Variants in GRIN2B observed in about 807,000 individuals in gnomAD.
GRIN2B encodes the protein glutamate receptor ionotropic, NMDA 2B.
A neutral mutation model predicts 114.5 loss-of-function variants in GRIN2B; 5 were observed. The ratio of observed to expected loss-of-function variants is 0.04; its 90% CI spans 0.02 to 0.09. The LOEUF (loss-of-function observed/expected upper bound fraction) is 0.09, where lower values mean the gene tolerates loss of function less well. Ranked by LOEUF, GRIN2B falls within the 10% of genes least tolerant of loss-of-function variation. The pLI, the probability that GRIN2B is intolerant of heterozygous loss-of-function variation, is 1.00. For missense variants in GRIN2B, 1,108 were observed against 1,943.5 expected (o/e 0.57, Z 8.08); for synonymous variants, 787 against 745.1 (o/e 1.06, Z -0.92).
At chr12:13,966,989 C>T (rs1349738060) in intron 2 of GRIN2B, among the ~76,000 whole-genome samples, 1 of 152,164 alleles carries the variant, frequency 6.6e-6, no homozygotes, top group Non-Finnish European at 1.5e-5. Flanking sequence ...CACCATGTTA[C>T]ACTGCAGAAA....
intron 2 of GRIN2B, among the ~76,000 whole-genome samples, chr12:13,889,061 TTTTC>T (rs1373009142): frequency 6.6e-6 from 1 of 152,232 alleles, no homozygotes; most frequent in Admixed American, 6.5e-5. Context: ...ATAGAAAATA[TTTTC>T]TTTCTGTATA....
At position 13,562,469 on chromosome 12, in the gene GRIN2B, G is replaced by A. The variant is rs1006566459; in HGVS notation, c.*314C>T. The A allele has an allele frequency of 5.5e-6, 2 of 366,580 alleles. No individual in the cohort carries two copies. Among genetic ancestry groups the A allele is most frequent in the African/African-American group, 4.1e-5 (2 of 48,966 alleles). 22.7% of individuals were successfully genotyped at this position (366,580 alleles called of 1,614,324 possible). A position where few individuals can be genotyped will look rare whatever the true frequency, so the allele number is the denominator to read the frequency against. On this transcript the variant is annotated 3_prime_UTR_variant, in exon 14 of 14. Transcript: ENST00000609686. ...ATCAAGGAGCTCTTCCACACCAGGA[G>A]GAAGCCCGCATGCAGCCCTTCCTTT...
chr12:13,978,406 T>C (rs1005419940), intron 2 of GRIN2B, among the ~76,000 whole-genome samples: 1 of 152,156 alleles, frequency 6.6e-6, no homozygotes, highest in African/African-American at 2.4e-5. Context: ...AAAGTAGCAT[T>C]TCAGCAGTAA....
intron 3 of GRIN2B, among the ~76,000 whole-genome samples, chr12:13,843,928 A>G (rs1471322171): frequency 6.6e-6 from 1 of 152,190 alleles, no homozygotes; most frequent in African/African-American, 2.4e-5. Flanking sequence ...TTTTAATACC[A>G]ATGTTATCAA....
chr12:13,605,071 C>CTT (rs35062527), intron 10 of GRIN2B, among the ~76,000 whole-genome samples: 18 of 143,086 alleles, frequency 1.3e-4, no homozygotes, highest in Non-Finnish European at 2.0e-4. Context: ...CCCACAGACT[C>CTT]TTTTTTTTTT....
intron 4 of GRIN2B, among the ~76,000 whole-genome samples, chr12:13,717,373 A>C (rs1191902745): frequency 6.6e-6 from 1 of 152,020 alleles, no homozygotes; most frequent in African/African-American, 2.4e-5. Flanking sequence ...CATTAGAATT[A>C]AATCCAGCCC....
chr12:13,920,013 G>A (rs1017069977), intron 2 of GRIN2B, among the ~76,000 whole-genome samples: 1 of 152,086 alleles, frequency 6.6e-6, no homozygotes, highest in Non-Finnish European at 1.5e-5. Flanking sequence ...CTTCCCTAAA[G>A]AGCTTATCTC....
chr12:13,698,177 T>C (rs1950278272), intron 4 of GRIN2B, among the ~76,000 whole-genome samples: 1 of 152,248 alleles, frequency 6.6e-6, no homozygotes, highest in Non-Finnish European at 1.5e-5. Flanking sequence ...GGGATGCGCG[T>C]GCATGCTGTT....
At chr12:13,860,631 A>C (rs1865737887) in intron 3 of GRIN2B, among the ~76,000 whole-genome samples, 1 of 152,082 alleles carries the variant, frequency 6.6e-6, no homozygotes, top group South Asian at 2.1e-4. Context: ...GCCCCCAAAG[A>C]AGCAATTTAG....
chr12:13,965,968 T>G (rs1212655758), intron 2 of GRIN2B, among the ~76,000 whole-genome samples: 6 of 152,172 alleles, frequency 3.9e-5, no homozygotes, highest in Non-Finnish European at 1.5e-5. Flanking sequence ...CTCCAGACTT[T>G]CTCATCTAGG....
intron 12 of GRIN2B, among the ~76,000 whole-genome samples, chr12:13,567,783 C>T (rs1297379617): frequency 6.6e-6 from 1 of 151,972 alleles, no homozygotes; most frequent in Non-Finnish European, 1.5e-5. Flanking sequence ...TAAGTAAAGG[C>T]ATGCAGAACA....
chr12:13,927,964 CT>C, intron 2 of GRIN2B, among the ~76,000 whole-genome samples: 1 of 764 alleles, frequency 1.3e-3, no homozygotes, highest in Non-Finnish European at 7.9e-3. Flanking sequence ...AAGACCCTGT[CT>C]CAAAAAAAAA....
intron 5 of GRIN2B, among the ~76,000 whole-genome samples, chr12:13,638,152 G>T (rs1949682027): frequency 6.6e-6 from 1 of 152,126 alleles, no homozygotes; most frequent in Admixed American, 6.6e-5. Context: ...AACAAGGTCT[G>T]CTCAAAGAAA....
chr12:13,936,855 AG>A (rs1186675630), intron 2 of GRIN2B, among the ~76,000 whole-genome samples: 1 of 152,128 alleles, frequency 6.6e-6, no homozygotes, highest in African/African-American at 2.4e-5. Context: ...TACAAAAAAA[AG>A]ATGCAAATAA....
chr12:13,881,201 C>A (rs949883864), intron 2 of GRIN2B, among the ~76,000 whole-genome samples: 1 of 152,148 alleles, frequency 6.6e-6, no homozygotes, highest in Non-Finnish European at 1.5e-5. Flanking sequence ...CTCCACTTGC[C>A]GCTTTTTTTC....
At position 13,807,709 on chromosome 12, in the gene GRIN2B, C is replaced by CTT. The variant is rs71067726; in HGVS notation, c.412-53796_412-53795dup. 3.1e-3 allele frequency among the ~76,000 whole-genome samples: 241 copies of CTT among 77,402 alleles called. 18 individuals are homozygous for CTT. The highest frequency in any genetic ancestry group is 9.1e-3 in the Middle Eastern group (1 of 110). The allele number at this position is 77,402 out of a possible 152,430, so 50.8% of individuals were successfully genotyped here. On this transcript the variant is annotated intron_variant, in intron 3 of 13. Coordinates refer to ENST00000609686, the MANE Select transcript of GRIN2B (RefSeq NM_000834.5). ...AAGCAGACGTTTATTAAGCAGAAGGCTTTTTTTTTTTTTTTTTTTTTTTTT... is the reference window on the plus strand; with the variant it reads ...AAGCAGACGTTTATTAAGCAGAAGGCTTTTTTTTTTTTTTTTTTTTTTTTTTT...
chr12:13,882,068 A>G (rs904551495), intron 2 of GRIN2B, among the ~76,000 whole-genome samples: 1 of 152,200 alleles, frequency 6.6e-6, no homozygotes, highest in Non-Finnish European at 1.5e-5. Flanking sequence ...ACCTCACCGC[A>G]GAGTCAATAT....
At chr12:13,690,403 G>A (rs927728432) in intron 4 of GRIN2B, among the ~76,000 whole-genome samples, 2 of 148,612 alleles carry the variant, frequency 1.3e-5, no homozygotes, top group Non-Finnish European at 3.0e-5. Context: ...ACATGCAACT[G>A]GCATTGAGTA....
At chr12:13,682,427 T>A (rs574376127) in intron 4 of GRIN2B, among the ~76,000 whole-genome samples, 68 of 152,330 alleles carry the variant, frequency 4.5e-4, no homozygotes, top group Admixed American at 8.5e-4. Context: ...TATTAGTTTA[T>A]GTTTACTTGA....
Sources: allele counts gnomAD v4.1 joint callset (sites outside exome capture counted in the v4.1 genomes callset), GRCh38; gene constraint gnomAD v4.1.1; transcripts MANE v1.5; gene names NCBI Gene and HGNC (gene_info 2026-07-23, HGNC 2026-07-21).